Variants in PBRM1 observed in about 807,000 individuals in gnomAD.
PBRM1 encodes the protein protein polybromo-1.
In PBRM1, 27 loss-of-function variants were observed where a neutral mutation model predicts 194.5. That is an observed-to-expected ratio of 0.14 (90% CI 0.10 to 0.19). The LOEUF (loss-of-function observed/expected upper bound fraction) is 0.19. Ranked by LOEUF, PBRM1 falls within the 10% of genes least tolerant of loss-of-function variation. The pLI, the probability that PBRM1 is intolerant of heterozygous loss-of-function variation, is 1.00. For synonymous variants in PBRM1, 655 were observed against 693.2 expected (o/e 0.94, Z 0.87); for missense variants, 1,466 against 2,077.2 (o/e 0.71, Z 5.72).
intron 10 of PBRM1, among the ~76,000 whole-genome samples, chr3:52,639,510 G>A (rs938911192): frequency 6.6e-6 from 1 of 151,464 alleles, no homozygotes; most frequent in African/African-American, 2.4e-5. Flanking sequence ...CAACCTCCCA[G>A]GCTCAAGTGA....
chr3:52,566,885 A>G (rs1048514586), intron 22 of PBRM1, among the ~76,000 whole-genome samples: 3 of 152,118 alleles, frequency 2.0e-5, no homozygotes, highest in African/African-American at 4.8e-5. Flanking sequence ...CCTGGCCAAC[A>G]TGGCGAAACC....
chr3:52,632,095 G>C (rs997134796), intron 11 of PBRM1, among the ~76,000 whole-genome samples: 4 of 152,138 alleles, frequency 2.6e-5, no homozygotes, highest in African/African-American at 9.7e-5. Context: ...TGTGAACACA[G>C]GTTTACAAAT....
chr3:52,672,656 G>A (rs559443285), intron 2 of PBRM1, among the ~76,000 whole-genome samples: 19 of 151,736 alleles, frequency 1.3e-4, no homozygotes, highest in South Asian at 4.2e-4. Context: ...CACCACGCCC[G>A]GCTAATTTTG....
intron 17 of PBRM1, among the ~76,000 whole-genome samples, chr3:52,596,532 G>A (rs4687633): frequency 0.35 from 51,329 of 146,020 alleles, 9,798 homozygotes; most frequent in Admixed American, 0.47. Context: ...ATTATTCAGG[G>A]CCCAAGGGCT....
intron 5 of PBRM1, among the ~76,000 whole-genome samples, chr3:52,653,325 C>T (rs1263369824): frequency 2.6e-5 from 4 of 151,988 alleles, no homozygotes; most frequent in East Asian, 3.9e-4. Flanking sequence ...CATGGTGGCT[C>T]GCGCCTGTAA....
At chr3:52,608,886 A>G (rs1014951238) in intron 16 of PBRM1, among the ~76,000 whole-genome samples, 2 of 152,136 alleles carry the variant, frequency 1.3e-5, no homozygotes, top group African/African-American at 4.8e-5. Flanking sequence ...GGTACTTAAA[A>G]TGGTGATCAA....
intron 11 of PBRM1, among the ~76,000 whole-genome samples, chr3:52,633,067 A>T (rs1379828185): frequency 3.8e-4 from 58 of 152,176 alleles, no homozygotes; most frequent in Non-Finnish European, 1.5e-5. Flanking sequence ...TGCAATTAAT[A>T]TGACCATCCA....
At position 52,676,132 on chromosome 3, in the gene PBRM1, AAAAAAAAAAAAAAAAAAAAAT is replaced by A. The variant is rs1326483138; in HGVS notation, c.236+2347_236+2367del. ...TCCGTCTCAAAAAAAAAAAAAAAAA[AAAAAAAAAAAAAAAAAAAAAT>A]AATGAATGAAGCGGGATCCTTACCT... On this transcript the variant is annotated intron_variant, in intron 2 of 29. Transcript: ENST00000296302. 3.9e-3 allele frequency among the ~76,000 whole-genome samples: 127 copies of A among 32,528 alleles called. 28 individuals carry two copies. Among genetic ancestry groups the A allele is most frequent in the African/African-American group, 9.7e-3 (60 of 6,180 alleles). 21.3% of individuals were successfully genotyped at this position (32,528 alleles called of 152,430 possible).
downstream of PBRM1, chr3:52,545,858 TTC>T (rs1425601052): frequency 8.6e-6 from 2 of 233,070 alleles, no homozygotes; most frequent in Admixed American, 5.6e-5. Flanking sequence ...CAATTTTTTT[TTC>T]TTTTTTGAAG....
chr3:52,576,728 A>G (rs758276651), intron 21 of PBRM1, 30 bp from the exon 24 acceptor site: 1 of 1,526,598 alleles, frequency 6.6e-7, no homozygotes, highest in South Asian at 1.2e-5. Context: ...AAATTACATT[A>G]AAATAGTTTC....
chr3:52,562,389 T>C (rs1371500022), intron 24 of PBRM1, among the ~76,000 whole-genome samples: 2 of 152,054 alleles, frequency 1.3e-5, no homozygotes, highest in Non-Finnish European at 2.9e-5. Flanking sequence ...TACTGCTTTA[T>C]TGACACGTTT....
chr3:52,587,653 T>A (rs1483417643), intron 18 of PBRM1, 143 bp from the exon 21 acceptor site: 11 of 626,334 alleles, frequency 1.8e-5, no homozygotes, highest in Non-Finnish European at 3.0e-5. Context: ...AAAGTGGTCC[T>A]CCAACCTCAG....
intron 20 of PBRM1, among the ~76,000 whole-genome samples, chr3:52,584,603 G>C (rs2092063811): frequency 6.6e-6 from 1 of 151,718 alleles, no homozygotes; most frequent in Non-Finnish European, 1.5e-5. Flanking sequence ...CTACAGGCAT[G>C]TGCTACCATG....
At chr3:52,582,554 C>T (rs551004373) in intron 20 of PBRM1, among the ~76,000 whole-genome samples, 3 of 151,662 alleles carry the variant, frequency 2.0e-5, no homozygotes, top group Admixed American at 1.3e-4. Flanking sequence ...GGATTATAGG[C>T]ACCTGCCACC....
chr3:52,649,052 A>G (rs546779262), intron 6 of PBRM1, among the ~76,000 whole-genome samples: 1 of 152,356 alleles, frequency 6.6e-6, no homozygotes, highest in Non-Finnish European at 1.5e-5. Context: ...GAAATGAAAA[A>G]GACATGGTCT....
At chr3:52,582,200 C>T (rs986054654) in intron 20 of PBRM1, among the ~76,000 whole-genome samples, 23 of 146,006 alleles carry the variant, frequency 1.6e-4, no homozygotes, top group African/African-American at 5.6e-4. Flanking sequence ...TGAGATTGCG[C>T]CACTGCACTC....
Position 52,592,191 on chromosome 3 carries a change from T to C in PBRM1, c.2780-2936A>G, listed in dbSNP as rs2093150427. 3.4e-5 allele frequency among the ~76,000 whole-genome samples: 5 copies of C among 149,188 alleles called. No individual in the cohort carries two copies. The South Asian group carries it at 1.1e-3, about 32-fold the overall frequency. On this transcript the variant is annotated intron_variant, in intron 17 of 29. Coordinates refer to ENST00000296302, the Ensembl canonical transcript of PBRM1. ...CTCTGTCGCCCAGGCTGGAGTGCAGTGGTGCGATCTTGGCTCACTGCAGTC... is the reference window on the plus strand; with the variant it reads ...CTCTGTCGCCCAGGCTGGAGTGCAGCGGTGCGATCTTGGCTCACTGCAGTC...
intron 25 of PBRM1, 135 bp downstream of exon 27, chr3:52,561,632 G>T: frequency 1.3e-6 from 1 of 764,108 alleles, no homozygotes; most frequent in East Asian, 2.5e-5. Context: ...ATACTGGTTG[G>T]GTGCCATTTG....
At chr3:52,629,508 A>AGG (rs2095550268) in intron 11 of PBRM1, among the ~76,000 whole-genome samples, 2 of 152,354 alleles carry the variant, frequency 1.3e-5, no homozygotes, top group Admixed American at 1.3e-4. Flanking sequence ...GACAGTGCAA[A>AGG]GTATTTATAA....
Sources: allele counts gnomAD v4.1 joint callset (sites outside exome capture counted in the v4.1 genomes callset), GRCh38; gene constraint gnomAD v4.1.1; transcripts MANE v1.5; gene names NCBI Gene and HGNC (gene_info 2026-07-23, HGNC 2026-07-21).